KCND2: variants seen among roughly 807,000 people sequenced by gnomAD.
KCND2 encodes A-type voltage-gated potassium channel KCND2.
In KCND2, 16 loss-of-function variants were observed where a neutral mutation model predicts 54.4. That is an observed-to-expected ratio of 0.29 (90% confidence interval 0.20 to 0.45). The LOEUF (loss-of-function observed/expected upper bound fraction) is 0.45, where lower values mean the gene tolerates loss of function less well. Among genes scored for constraint, KCND2 ranks in the 20% least tolerant of loss-of-function variants. KCND2 has a pLI of 1.00. For synonymous variants in KCND2, 317 were observed against 310.7 expected (o/e 1.02, Z -0.21); for missense variants, 486 against 824.2 (o/e 0.59, Z 5.02).
At chr7:120,437,795 A>T (rs1801890974) in intron 1 of KCND2, among the ~76,000 whole-genome samples, 1 of 152,212 alleles carries the variant, frequency 6.6e-6, no homozygotes, top group Non-Finnish European at 1.5e-5. Context: ...AAAACTGAAA[A>T]CATCAGCATC....
chr7:120,523,813 T>G (rs1562863328), intron 1 of KCND2, among the ~76,000 whole-genome samples: 1 of 148,030 alleles, frequency 6.8e-6, no homozygotes, highest in South Asian at 2.1e-4. Context: ...TAAAATTTAT[T>G]TATATATATA....
chr7:120,557,709 C>T (rs545393785), intron 1 of KCND2, among the ~76,000 whole-genome samples: 2 of 152,250 alleles, frequency 1.3e-5, no homozygotes, highest in African/African-American at 4.8e-5. Flanking sequence ...GTCTCTCCAT[C>T]TGCAGTGTAG....
chr7:120,547,026 G>T (rs1792050037), intron 1 of KCND2, among the ~76,000 whole-genome samples: 1 of 151,364 alleles, frequency 6.6e-6, no homozygotes, highest in Non-Finnish European at 1.5e-5. Flanking sequence ...GTTAACAGCT[G>T]TCTTACAACT....
At chr7:120,308,908 A>G (rs2116309363) in intron 1 of KCND2, among the ~76,000 whole-genome samples, 1 of 152,336 alleles carries the variant, frequency 6.6e-6, no homozygotes, top group South Asian at 2.1e-4. Flanking sequence ...TTAAACTAAA[A>G]GCAAATGAAT....
At position 120,748,007 on chromosome 7, in the gene KCND2, A is replaced by T. The variant is rs1793027438; in HGVS notation, c.*149A>T. On this transcript the variant is annotated 3_prime_UTR_variant, in exon 6 of 6. Transcript: ENST00000331113. The stretch of plus-strand genomic sequence containing the variant: ...AAACACAAAGCTTCCAATCTTAAGG[A>T]TGTGAATAAAACCACCAAATGGCAT... 4 of 677,296 alleles carry T rather than the reference A, an allele frequency of 5.9e-6. No homozygotes were observed. Among genetic ancestry groups the T allele is most frequent in the Non-Finnish European group, 1.0e-5 (4 of 393,072 alleles). 42.0% of individuals were successfully genotyped at this position (677,296 alleles called of 1,614,324 possible).
chr7:120,672,523 G>T (rs1172502950), intron 1 of KCND2, among the ~76,000 whole-genome samples: 1 of 152,052 alleles, frequency 6.6e-6, no homozygotes. Context: ...AGATAGCTCT[G>T]TTAAGTCCTC....
At chr7:120,719,935 G>C (rs1470159887) in intron 1 of KCND2, among the ~76,000 whole-genome samples, 1 of 152,084 alleles carries the variant, frequency 6.6e-6, no homozygotes, top group Non-Finnish European at 1.5e-5. Flanking sequence ...GGAAGCCCCA[G>C]GGACCAGCTT....
intron 1 of KCND2, among the ~76,000 whole-genome samples, chr7:120,653,068 C>G (rs1019790081): frequency 4.6e-5 from 7 of 151,872 alleles, no homozygotes; most frequent in African/African-American, 1.7e-4. Context: ...ACTCTGTCAA[C>G]CAGGCCTAGA....
At chr7:120,405,822 C>A (rs1040141580) in intron 1 of KCND2, among the ~76,000 whole-genome samples, 35 of 151,782 alleles carry the variant, frequency 2.3e-4, no homozygotes, top group African/African-American at 7.7e-4. Flanking sequence ...TAGGAGTATT[C>A]AATACATTTT....
intron 1 of KCND2, among the ~76,000 whole-genome samples, chr7:120,410,850 T>A (rs187558007): frequency 6.6e-6 from 1 of 152,040 alleles, no homozygotes; most frequent in Admixed American, 6.6e-5. Flanking sequence ...TCCAGCTTCA[T>A]CCATGTCCCT....
At chr7:120,707,311 A>G (rs1302502442) in intron 1 of KCND2, among the ~76,000 whole-genome samples, 1 of 152,130 alleles carries the variant, frequency 6.6e-6, no homozygotes, top group Non-Finnish European at 1.5e-5. Flanking sequence ...CCTTTGTGTC[A>G]GGTGCAGGGA....
chr7:120,331,224 C>T (rs1395873422), intron 1 of KCND2, among the ~76,000 whole-genome samples: 2 of 151,850 alleles, frequency 1.3e-5, no homozygotes, highest in Non-Finnish European at 2.9e-5. Flanking sequence ...AGTCATGTTG[C>T]CCAGAACTTA....
intron 1 of KCND2, among the ~76,000 whole-genome samples, chr7:120,486,084 A>G (rs1318942570): frequency 1.3e-5 from 2 of 152,176 alleles, no homozygotes; most frequent in Admixed American, 6.6e-5. Flanking sequence ...ATTGCTATAT[A>G]TATAATCTTT....
At chr7:120,458,961 T>A (rs1340104352) in intron 1 of KCND2, among the ~76,000 whole-genome samples, 2 of 151,636 alleles carry the variant, frequency 1.3e-5, no homozygotes, top group Non-Finnish European at 2.9e-5. Flanking sequence ...CATTATTTCC[T>A]AGTAATATCA....
chr7:120,417,928 C>A (rs1410235611), intron 1 of KCND2, among the ~76,000 whole-genome samples: 1 of 152,024 alleles, frequency 6.6e-6, no homozygotes, highest in Non-Finnish European at 1.5e-5. Context: ...TTCTAGACTT[C>A]TTTTAATGGC....
intron 1 of KCND2, among the ~76,000 whole-genome samples, chr7:120,593,335 C>A (rs1318324712): frequency 6.6e-6 from 1 of 152,122 alleles, no homozygotes; most frequent in Non-Finnish European, 1.5e-5. Context: ...ATTCACCGAA[C>A]AGAATTGATT....
chr7:120,477,815 GA>G (rs1236028879), intron 1 of KCND2, among the ~76,000 whole-genome samples: 1 of 152,082 alleles, frequency 6.6e-6, no homozygotes, highest in Non-Finnish European at 1.5e-5. Context: ...ACACATGTTG[GA>G]TATTTGTATT....
At chr7:120,357,684 C>CA (rs58459054) in intron 1 of KCND2, among the ~76,000 whole-genome samples, 133 of 143,036 alleles carry the variant, frequency 9.3e-4, no homozygotes, top group South Asian at 3.8e-3. Flanking sequence ...ATGACTTAAA[C>CA]AAAAAAAAAA....
chr7:120,392,866 C>T (rs1193073813), intron 1 of KCND2, among the ~76,000 whole-genome samples: 1 of 151,942 alleles, frequency 6.6e-6, no homozygotes, highest in Non-Finnish European at 1.5e-5. Context: ...AATTTAAGAA[C>T]ACTATTATCC....
Sources: gnomAD v4.1 joint callset for allele counts (sites outside exome capture counted in the v4.1 genomes callset) on GRCh38, gnomAD v4.1.1 for gene constraint, MANE v1.5 for transcripts, NCBI Gene and HGNC (gene_info 2026-07-23, HGNC 2026-07-21) for gene names.